Variants in ANK2 observed in about 807,000 individuals in gnomAD.
The protein encoded by ANK2 is ankyrin 2.
ANK2 carries 83 observed loss-of-function variants against 360.5 expected under a neutral mutation model. The observed-to-expected ratio is 0.23, with a 90% CI of 0.19 to 0.28. The LOEUF is 0.28. Ranked by LOEUF, ANK2 falls within the 10% of genes least tolerant of loss-of-function variation. ANK2 has a pLI of 1.00. For synonymous variants in ANK2, 1,740 were observed against 1,759.5 expected, an observed-to-expected ratio of 0.99 and a Z score of 0.28; for missense variants, 4,201 against 4,795.7, an observed-to-expected ratio of 0.88 and a Z score of 3.66.
At chr4:112,896,680 T>G (rs2081853198) in intron 1 of ANK2, among the ~76,000 whole-genome samples, 1 of 152,208 alleles carries the variant, frequency 6.6e-6, no homozygotes, top group Non-Finnish European at 1.5e-5. Flanking sequence ...AAGTTTTTAC[T>G]GCTGCTATGT....
At position 113,358,413 on chromosome 4, in the gene ANK2, T is replaced by C. The variant is rs1210892706; in HGVS notation, c.9795T>C (p.Val3265=). The C allele has an allele frequency of 6.2e-7, 1 of 1,614,086 alleles. No homozygotes were observed. Among genetic ancestry groups the C allele is most frequent in the Non-Finnish European group, 8.5e-7 (1 of 1,179,962 alleles). ...QLDFSTLTRS[V]YSDRGDDSPD... is the part of the protein sequence containing the mutation. ...ATTTTTCCACACTCACCAGGTCTGTTTATTCAGATAGGGGTGATGATTCTC... is the reference window on the plus strand; with the variant it reads ...ATTTTTCCACACTCACCAGGTCTGTCTATTCAGATAGGGGTGATGATTCTC... Residue 3265 remains valine, a synonymous_variant, in exon 38 of 46, where the codon GTT becomes GTC. Coordinates refer to ENST00000357077, the MANE Select transcript of ANK2 (RefSeq NM_001148.6).
the ANK2 span, among the ~76,000 whole-genome samples, chr4:112,800,154 G>T: frequency 6.6e-6 from 1 of 152,126 alleles, no homozygotes; most frequent in Non-Finnish European, 1.5e-5. Context: ...GACAAATGTC[G>T]TTCCTTCTCT....
intron 22 of ANK2, among the ~76,000 whole-genome samples, chr4:113,300,082 G>T (rs1230157126): frequency 6.6e-6 from 1 of 151,936 alleles, no homozygotes; most frequent in African/African-American, 2.4e-5. Context: ...TAATCAAATT[G>T]TATATTATAA....
chr4:112,743,846 CTT>C, the ANK2 span, among the ~76,000 whole-genome samples: 3 of 149,628 alleles, frequency 2.0e-5, no homozygotes. Flanking sequence ...TGCCTGGCCT[CTT>C]TTATTTTCTT....
rs1472442002 is a variant in ANK2 at position 113,161,735 on chromosome 4, C to T, written c.85-12681C>T. Reference sequence around the variant, plus strand: ...GTGTGTGTGTGTGTGTGTGTGTGTGCATGTGCATGTATGCGCTGCAATTCC... The same window carrying T: ...GTGTGTGTGTGTGTGTGTGTGTGTGTATGTGCATGTATGCGCTGCAATTCC... On this transcript the variant is annotated intron_variant, in intron 1 of 45. Coordinates refer to ENST00000357077, the MANE Select transcript of ANK2 (RefSeq NM_001148.6). Among the ~76,000 whole-genome samples the T allele has an allele frequency of 1.4e-4, 18 of 133,274 alleles. No homozygotes were observed. In the East Asian group the frequency reaches 1.4e-3, roughly 10 times the overall value. The allele number at this position is 133,274 out of a possible 152,430, so 87.4% of individuals were successfully genotyped here. A position where few individuals can be genotyped will look rare whatever the true frequency, so the allele number is the denominator to read the frequency against.
the ANK2 span, among the ~76,000 whole-genome samples, chr4:112,779,282 G>C: frequency 6.6e-6 from 1 of 152,222 alleles, no homozygotes. Context: ...ACTTTGGGAG[G>C]CTGAGGCGGG....
chr4:112,851,216 TA>T (rs1257080653), intron 1 of ANK2, among the ~76,000 whole-genome samples: 1 of 152,144 alleles, frequency 6.6e-6, no homozygotes, highest in African/African-American at 2.4e-5. Flanking sequence ...CTTTGAGACT[TA>T]AGGAAGGTGG....
the ANK2 span, among the ~76,000 whole-genome samples, chr4:112,775,030 G>A: frequency 6.6e-6 from 1 of 152,128 alleles, no homozygotes; most frequent in Non-Finnish European, 1.5e-5. Context: ...CTTCTCGTGG[G>A]TTTTGTACAG....
chr4:113,022,532 A>G (rs543219017), intron 2 of ANK2, among the ~76,000 whole-genome samples: 36 of 152,274 alleles, frequency 2.4e-4, no homozygotes, highest in East Asian at 2.1e-3. Flanking sequence ...CTGCCACTAG[A>G]CACTGAGTGT....
intron 6 of ANK2, 87 bp downstream of exon 6, chr4:113,237,259 A>G (rs2099390658): frequency 6.9e-7 from 1 of 1,439,484 alleles, no homozygotes; most frequent in South Asian, 1.1e-5. Flanking sequence ...GGCCATGGTG[A>G]TAATGCAAAA....
rs771705870 is a variant in ANK2 at position 113,341,778 on chromosome 4, C to G, written c.3984C>G (p.Ala1328=). The change falls in exon 33 of 46, where the codon GCC becomes GCG. Residue 1328 remains alanine, a synonymous_variant. Coordinates refer to ENST00000357077, the MANE Select transcript of ANK2 (RefSeq NM_001148.6). The part of the protein sequence containing the change: ...YREIICVPYM[A]KFVVFAKSHD... ...AAATTATCTGCGTACCTTATATGGCCAAATTTGTAGTGTTTGCCAAATCAC... is the reference window on the plus strand; with the variant it reads ...AAATTATCTGCGTACCTTATATGGCGAAATTTGTAGTGTTTGCCAAATCAC... 6 of 1,613,936 alleles carry G rather than the reference C, an allele frequency of 3.7e-6. No homozygotes were observed. The African/African-American group carries it at 8.0e-5, about 22-fold the overall frequency.
intron 1 of ANK2, among the ~76,000 whole-genome samples, chr4:113,108,957 T>C (rs2093979243): frequency 6.6e-6 from 1 of 152,214 alleles, no homozygotes; most frequent in African/African-American, 2.4e-5. Flanking sequence ...TTAAGATTTA[T>C]TACATCATTA....
At chr4:113,298,440 C>G (rs2073120350) in intron 22 of ANK2, among the ~76,000 whole-genome samples, 1 of 152,070 alleles carries the variant, frequency 6.6e-6, no homozygotes, top group Non-Finnish European at 1.5e-5. Flanking sequence ...CAATTGGTGA[C>G]CAGGAGGATT....
chr4:113,100,523 G>T (rs2092653245), intron 1 of ANK2, among the ~76,000 whole-genome samples: 1 of 152,108 alleles, frequency 6.6e-6, no homozygotes, highest in African/African-American at 2.4e-5. Context: ...ATTCATTGAT[G>T]TTAAGAATGC....
At chr4:112,820,869 T>C (rs1423135046) in intron 1 of ANK2, among the ~76,000 whole-genome samples, 3 of 152,168 alleles carry the variant, frequency 2.0e-5, no homozygotes, top group Non-Finnish European at 4.4e-5. Flanking sequence ...CCTGAGTGAC[T>C]GGGACTACAG....
In ANK2 at chr4:113,357,616, G is replaced by A. The variant is rs1564046515; in HGVS notation, c.8998G>A (p.Glu3000Lys). Residue 3000 changes from glutamate (E) to lysine (K), a missense_variant, in exon 38 of 46, where the codon GAA (glutamate) becomes AAA (lysine). By Grantham distance (56) the Glu-to-Lys change is moderately conservative (BLOSUM62 1). This residue lies in a region of ANK2 where 2,642 missense variants were observed against 2,714.5 expected (regional missense o/e 0.97). Transcript: ENST00000357077. ...GQDIKMESQQ[E>K]STLWEMQSDS... is the part of the protein sequence containing the mutation. ...GGACATAAAAATGGAATCCCAACAG[G>A]AAAGTACCTTGTGGGAAATGCAATC... 3 of 1,614,122 alleles carry A rather than the reference G, an allele frequency of 1.9e-6. No individual in the cohort carries two copies. The highest frequency in any genetic ancestry group is 1.7e-6 in the Non-Finnish European group (2 of 1,179,990).
At chr4:113,157,981 C>A (rs1583329150) in intron 1 of ANK2, among the ~76,000 whole-genome samples, 1 of 152,148 alleles carries the variant, frequency 6.6e-6, no homozygotes, top group Non-Finnish European at 1.5e-5. Flanking sequence ...GGTGTGAGAA[C>A]AAAATATGTA....
chr4:112,799,488 T>C, the ANK2 span, among the ~76,000 whole-genome samples: 2 of 151,902 alleles, frequency 1.3e-5, no homozygotes, highest in Non-Finnish European at 2.9e-5. Context: ...TTTTCCTTTC[T>C]TTTAAAATTT....
At chr4:113,014,733 G>A (rs114163103) in intron 2 of ANK2, among the ~76,000 whole-genome samples, 3,802 of 149,456 alleles carry the variant, frequency 0.025, 150 homozygotes, top group African/African-American at 0.086. Context: ...GTGAGAAAGT[G>A]TATATAAAGC....
Sources: allele counts gnomAD v4.1 joint callset (sites outside exome capture counted in the v4.1 genomes callset), GRCh38; gene constraint gnomAD v4.1.1; regional missense constraint gnomAD v4.1.1; transcripts MANE v1.5; gene names NCBI Gene and HGNC (gene_info 2026-07-23, HGNC 2026-07-21).